The following ADGRB3 variants were observed in gnomAD, a reference collection of about 807,000 sequenced individuals.
ADGRB3 encodes the protein adhesion G protein-coupled receptor B3, also known as brain-specific angiogenesis inhibitor 3.
A neutral mutation model predicts 193.4 loss-of-function variants in ADGRB3; 37 were observed. That is an observed-to-expected ratio of 0.19 (90% CI 0.15 to 0.25). ADGRB3 has a LOEUF of 0.25. Among genes scored for constraint, ADGRB3 ranks in the 10% least tolerant of loss-of-function variants. The pLI, the probability that ADGRB3 is intolerant of heterozygous loss-of-function variation, is 1.00. For missense variants in ADGRB3, 1,637 were observed against 1,852.9 expected (o/e 0.88, Z 2.14); for synonymous variants, 690 against 644.2 (o/e 1.07, Z -1.08).
intron 17 of ADGRB3, among the ~76,000 whole-genome samples, chr6:69,146,583 C>A (rs919193191): frequency 2.6e-5 from 4 of 152,210 alleles, no homozygotes; most frequent in African/African-American, 9.6e-5. Flanking sequence ...TTTGCCCTGA[C>A]AACTCTGAAG....
At chr6:68,900,098 G>A (rs1766352540) in intron 3 of ADGRB3, among the ~76,000 whole-genome samples, 1 of 152,032 alleles carries the variant, frequency 6.6e-6, no homozygotes, top group South Asian at 2.1e-4. Context: ...TAAATGTATT[G>A]ACTATGTGTA....
intron 21 of ADGRB3, among the ~76,000 whole-genome samples, chr6:69,325,553 T>C (rs1768549273): frequency 6.6e-6 from 1 of 152,176 alleles, no homozygotes; most frequent in Admixed American, 6.5e-5. Flanking sequence ...GAGAACTAAT[T>C]CTTTACTTGT....
At chr6:68,820,018 A>G (rs1347580665) in intron 3 of ADGRB3, among the ~76,000 whole-genome samples, 1 of 152,020 alleles carries the variant, frequency 6.6e-6, no homozygotes, top group Non-Finnish European at 1.5e-5. Flanking sequence ...TAGACTTACT[A>G]AATATTCGTA....
At chr6:69,304,221 G>T (rs1477800878) in intron 20 of ADGRB3, among the ~76,000 whole-genome samples, 1 of 151,580 alleles carries the variant, frequency 6.6e-6, no homozygotes, top group Non-Finnish European at 1.5e-5. Flanking sequence ...TGCTGATATT[G>T]CAGGTTTTCC....
At chr6:68,706,257 C>G (rs1765324383) in intron 3 of ADGRB3, among the ~76,000 whole-genome samples, 2 of 152,084 alleles carry the variant, frequency 1.3e-5, no homozygotes, top group Non-Finnish European at 2.9e-5. Context: ...TAGAGGAAAG[C>G]AGTCACTGCT....
intron 3 of ADGRB3, among the ~76,000 whole-genome samples, chr6:68,874,851 A>T (rs1411225457): frequency 6.6e-6 from 1 of 152,158 alleles, no homozygotes; most frequent in Admixed American, 6.5e-5. Context: ...TAAAATCATG[A>T]TTCACAGAGT....
At chr6:68,837,419 C>T (rs1768066137) in intron 3 of ADGRB3, among the ~76,000 whole-genome samples, 1 of 152,006 alleles carries the variant, frequency 6.6e-6, no homozygotes, top group Admixed American at 6.6e-5. Flanking sequence ...TTAATCATAG[C>T]TATAATTGTT....
intron 26 of ADGRB3, among the ~76,000 whole-genome samples, chr6:69,348,493 C>CAAAAA (rs5877205): frequency 8.7e-6 from 1 of 114,854 alleles, no homozygotes; most frequent in Non-Finnish European, 1.8e-5. Flanking sequence ...CTAAAAAATG[C>CAAAAA]AAAAAAAAAA....
chr6:69,375,274 T>G (rs1327010363), intron 30 of ADGRB3, among the ~76,000 whole-genome samples: 2 of 152,046 alleles, frequency 1.3e-5, no homozygotes, highest in Non-Finnish European at 2.9e-5. Context: ...TATGTCAGGT[T>G]TTAAAAAGAT....
intron 17 of ADGRB3, among the ~76,000 whole-genome samples, chr6:69,215,480 G>A (rs1485331881): frequency 6.6e-6 from 1 of 151,420 alleles, no homozygotes; most frequent in Non-Finnish European, 1.5e-5. Context: ...GTGTGTGTGT[G>A]TGTAGATAGA....
At chr6:68,771,205 G>T (rs1766610421) in intron 3 of ADGRB3, among the ~76,000 whole-genome samples, 2 of 151,372 alleles carry the variant, frequency 1.3e-5, no homozygotes, top group South Asian at 2.1e-4. Flanking sequence ...ACAAATTTGG[G>T]GACTACAAAA....
intron 6 of ADGRB3, among the ~76,000 whole-genome samples, chr6:68,950,510 T>G (rs1372175380): frequency 6.6e-6 from 1 of 152,226 alleles, no homozygotes; most frequent in Non-Finnish European, 1.5e-5. Context: ...CTCGCTGCTT[T>G]GTGTCTAAAA....
At chr6:68,825,990 ATTT>A (rs111470081) in intron 3 of ADGRB3, among the ~76,000 whole-genome samples, 1 of 145,366 alleles carries the variant, frequency 6.9e-6, no homozygotes. Flanking sequence ...TTTCCTCCCC[ATTT>A]TTTTTTTTTG....
At chr6:68,965,453 T>TG (rs1768353230) in intron 8 of ADGRB3, among the ~76,000 whole-genome samples, 7 of 139,578 alleles carry the variant, frequency 5.0e-5, no homozygotes, top group Non-Finnish European at 8.2e-5. Flanking sequence ...ATGTTTTTTT[T>TG]TTGTGTGTGT....
chr6:69,283,051 C>G (rs1352867743), intron 20 of ADGRB3, among the ~76,000 whole-genome samples: 2 of 152,088 alleles, frequency 1.3e-5, no homozygotes, highest in African/African-American at 4.8e-5. Flanking sequence ...GGAAAAAACC[C>G]AAAGAATTTA....
chr6:69,045,237 C>G (rs1366456190), intron 13 of ADGRB3, among the ~76,000 whole-genome samples: 1 of 152,138 alleles, frequency 6.6e-6, no homozygotes, highest in Non-Finnish European at 1.5e-5. Flanking sequence ...TAAAAGTCAT[C>G]TATAAATTAC....
chr6:68,884,619 T>C (rs930439047), intron 3 of ADGRB3, among the ~76,000 whole-genome samples: 1 of 152,072 alleles, frequency 6.6e-6, no homozygotes, highest in African/African-American at 2.4e-5. Flanking sequence ...AACTACATCA[T>C]GGGAAGCCTG....
At chr6:68,975,412 C>T (rs1170202191) in intron 10 of ADGRB3, 72 bp downstream of exon 10, 2 of 1,161,016 alleles carry the variant, frequency 1.7e-6, no homozygotes, top group Non-Finnish European at 2.5e-6. Context: ...AGAATTTAAC[C>T]TTCTGCTGTA....
intron 11 of ADGRB3, among the ~76,000 whole-genome samples, chr6:69,007,533 A>G (rs1171455354): frequency 6.6e-6 from 1 of 151,976 alleles, no homozygotes; most frequent in Admixed American, 6.6e-5. Flanking sequence ...AGGGAATTTG[A>G]ACATTCTCTT....
Sources: gnomAD v4.1 joint callset for allele counts (sites outside exome capture counted in the v4.1 genomes callset) on GRCh38, gnomAD v4.1.1 for gene constraint, MANE v1.5 for transcripts, NCBI Gene and HGNC (gene_info 2026-07-23, HGNC 2026-07-21) for gene names.